Variants in MYO5B observed in about 807,000 individuals in gnomAD.
The protein encoded by MYO5B is unconventional myosin-Vb.
In MYO5B, 143 loss-of-function variants were observed where a neutral mutation model predicts 229.3. The ratio of observed to expected loss-of-function variants is 0.62; its 90% CI spans 0.54 to 0.72. The LOEUF (loss-of-function observed/expected upper bound fraction) is 0.72, where lower values mean the gene tolerates loss of function less well. Ranked by LOEUF, MYO5B falls within the 30% of genes least tolerant of loss-of-function variation. MYO5B has a pLI of 0.00. For missense variants in MYO5B, 2,321 were observed against 2,331.0 expected (o/e 1.00, Z 0.09); for synonymous variants, 918 against 885.2 (o/e 1.04, Z -0.66).
intron 22 of MYO5B, among the ~76,000 whole-genome samples, chr18:49,883,626 G>T (rs919220659): frequency 2.0e-5 from 3 of 150,134 alleles, no homozygotes; most frequent in Non-Finnish European, 4.4e-5. Flanking sequence ...TTCATGAGCT[G>T]TTCCTTAAAT....
intron 1 of MYO5B, among the ~76,000 whole-genome samples, chr18:50,091,608 G>A (rs1043202423): frequency 6.6e-6 from 1 of 152,244 alleles, no homozygotes; most frequent in South Asian, 2.1e-4. Context: ...TCTGGCAACT[G>A]TCTGCCTTCT....
chr18:50,096,440 C>G (rs998002493), intron 1 of MYO5B, among the ~76,000 whole-genome samples: 5 of 152,130 alleles, frequency 3.3e-5, no homozygotes, highest in Admixed American at 6.6e-5. Context: ...AGCCTCTCCC[C>G]CCTCCAATCC....
At chr18:49,853,766 C>T in intron 30 of MYO5B, 119 bp from the exon 31 acceptor site, 1 of 903,070 alleles carries the variant, frequency 1.1e-6, no homozygotes. Context: ...GTTGCACATC[C>T]CCCAGAGGGA....
chr18:50,022,725 A>G (rs1029413270), intron 4 of MYO5B, among the ~76,000 whole-genome samples: 4 of 152,222 alleles, frequency 2.6e-5, no homozygotes, highest in Admixed American at 6.5e-5. Context: ...TTCAGGATGT[A>G]AAGTGACAGA....
intron 1 of MYO5B, among the ~76,000 whole-genome samples, chr18:50,057,457 A>G (rs73446611): frequency 0.015 from 2,273 of 152,306 alleles, 58 homozygotes; most frequent in African/African-American, 0.049. Flanking sequence ...AACCGAACGG[A>G]GGTGATGTTG....
At chr18:49,910,242 G>T (rs1262589816) in intron 18 of MYO5B, among the ~76,000 whole-genome samples, 3 of 152,152 alleles carry the variant, frequency 2.0e-5, no homozygotes, top group African/African-American at 7.2e-5. Flanking sequence ...CAGTGTGGGG[G>T]CCGACTCAGC....
At chr18:50,049,966 A>G (rs1346895955) in intron 2 of MYO5B, among the ~76,000 whole-genome samples, 1 of 152,188 alleles carries the variant, frequency 6.6e-6, no homozygotes, top group African/African-American at 2.4e-5. Flanking sequence ...ATGTTGAATC[A>G]TTATGTGTAT....
chr18:50,139,267 G>A (rs2032382063), intron 1 of MYO5B, among the ~76,000 whole-genome samples: 1 of 152,188 alleles, frequency 6.6e-6, no homozygotes, highest in South Asian at 2.1e-4. Context: ...CTTTGCAGCT[G>A]AGCATTAAGG....
At chr18:49,895,805 C>T (rs1292883950) in intron 21 of MYO5B, among the ~76,000 whole-genome samples, 1 of 152,202 alleles carries the variant, frequency 6.6e-6, no homozygotes, top group Non-Finnish European at 1.5e-5. Flanking sequence ...AATCCCAGCC[C>T]ACTCAGGCAA....
chr18:50,132,214 T>C (rs2032264962), intron 1 of MYO5B, among the ~76,000 whole-genome samples: 1 of 152,170 alleles, frequency 6.6e-6, no homozygotes, highest in Non-Finnish European at 1.5e-5. Flanking sequence ...ACGGCAGTCC[T>C]TTTAGGATCC....
chr18:49,922,709 G>A (rs757755389), intron 17 of MYO5B, among the ~76,000 whole-genome samples: 1 of 151,736 alleles, frequency 6.6e-6, no homozygotes, highest in Non-Finnish European at 1.5e-5. Context: ...CACAGAATTA[G>A]AGAACAGTTC....
At chr18:49,855,836 AG>A (rs1392978756) in intron 30 of MYO5B, among the ~76,000 whole-genome samples, 2 of 152,220 alleles carry the variant, frequency 1.3e-5, no homozygotes, top group Non-Finnish European at 2.9e-5. Flanking sequence ...CTACATCCTC[AG>A]CAGGCGGCAA....
intron 4 of MYO5B, among the ~76,000 whole-genome samples, chr18:50,006,428 C>T (rs191710413): frequency 2.6e-4 from 40 of 152,270 alleles, no homozygotes; most frequent in Non-Finnish European, 4.0e-4. Flanking sequence ...AGCCATGATT[C>T]GGGTCCACAT....
intron 22 of MYO5B, among the ~76,000 whole-genome samples, chr18:49,893,095 A>T (rs2024734215): frequency 1.3e-5 from 2 of 152,146 alleles, no homozygotes; most frequent in Admixed American, 1.3e-4. Context: ...ACTCCCTTTG[A>T]TGGAGACTTG....
rs1164354483 is a variant in MYO5B, at chr18:50,043,412, AATATTTAAAT to A, written c.139-3108_139-3099del. On this transcript the variant is annotated intron_variant, in intron 2 of 39. Coordinates refer to ENST00000285039, the MANE Select transcript of MYO5B (RefSeq NM_001080467.3). ...ATATATTTAAATATATTAAATATTAAATATTTAAATATATTTAAATATATTAAATATTAAA... is the reference window on the plus strand; with the variant it reads ...ATATATTTAAATATATTAAATATTAAATATTTAAATATATTAAATATTAAA... 5.8e-3 allele frequency among the ~76,000 whole-genome samples: 310 copies of A among 53,568 alleles called. 2 individuals are homozygous for A. The highest frequency in any genetic ancestry group is 0.017 in the African/African-American group (300 of 17,742). 35.1% of individuals were successfully genotyped at this position (53,568 alleles called of 152,430 possible).
rs78685897 is a variant in MYO5B at position 50,028,766 on chromosome 18, C to G, written c.455+8084G>C. Among the ~76,000 whole-genome samples the G allele has an allele frequency of 7.4e-3, 1,125 of 152,318 alleles. 15 individuals carry two copies. The highest frequency in any genetic ancestry group is 0.022 in the African/African-American group (924 of 41,570). On this transcript the variant is annotated intron_variant, in intron 4 of 39. Transcript: ENST00000285039. ...CAGTATCCTGCACAACTAATTTCCA[C>G]CGGGTGACGCAGGCTCTCTCCTTTC...
In MYO5B at chr18:49,826,466, C is replaced by T; in HGVS notation, c.*5G>A. ...GAATCAAACTAATGCTGGAAACATG[C>T]ATCTTCAGACTTCATTGAGGAATTC... On this transcript the variant is annotated 3_prime_UTR_variant, in exon 40 of 40. Coordinates refer to ENST00000285039, the MANE Select transcript of MYO5B (RefSeq NM_001080467.3). The T allele has an allele frequency of 6.2e-7, 1 of 1,613,592 alleles. No homozygotes were observed. The highest frequency in any genetic ancestry group is 1.1e-5 in the South Asian group (1 of 91,066).
At chr18:50,026,677 G>A (rs1424355248) in intron 4 of MYO5B, among the ~76,000 whole-genome samples, 1 of 152,182 alleles carries the variant, frequency 6.6e-6, no homozygotes, top group Non-Finnish European at 1.5e-5. Context: ...TTTGGATACT[G>A]TGACATGATG....
At chr18:50,029,007 G>A (rs1182088748) in intron 4 of MYO5B, among the ~76,000 whole-genome samples, 2 of 152,186 alleles carry the variant, frequency 1.3e-5, no homozygotes, top group Admixed American at 6.5e-5. Flanking sequence ...AATTTTAAAA[G>A]GAGATGGCAA....
Sources: gnomAD v4.1 joint callset for allele counts (sites outside exome capture counted in the v4.1 genomes callset) on GRCh38, gnomAD v4.1.1 for gene constraint, MANE v1.5 for transcripts, NCBI Gene and HGNC (gene_info 2026-07-23, HGNC 2026-07-21) for gene names.